Variants in DDX3X observed in about 807,000 individuals in gnomAD.
DDX3X encodes the protein DEAD-box helicase 3 X-linked, also known as ATP-dependent RNA helicase DDX3X.
In DDX3X, 4 loss-of-function variants were observed where a neutral mutation model predicts 52.7. The ratio of observed to expected loss-of-function variants is 0.08; its 90% CI spans 0.04 to 0.17. The LOEUF (loss-of-function observed/expected upper bound fraction) is 0.17, where lower values mean the gene tolerates loss of function less well. Ranked by LOEUF, DDX3X falls within the 10% of genes least tolerant of loss-of-function variation. The probability of loss-of-function intolerance (pLI) is 1.00; values close to 1 mark genes in which losing one functional copy is unlikely to be tolerated. For missense variants in DDX3X, 222 were observed against 548.6 expected (o/e 0.40, Z 5.95); for synonymous variants, 192 against 178.1 (o/e 1.08, Z -0.62).
chrX:41,345,344 A>G lies in DDX3X; in HGVS notation c.1170+20A>G. On this transcript the variant is annotated intron_variant, in intron 11 of 16. Transcript: ENST00000644876. The stretch of plus-strand genomic sequence containing the variant: ...ATACAGGTACTGTTTGATGTTGCAA[A>G]TTTTATTTATTTAGAAATTTGTTTA... The G allele has an allele frequency of 1.7e-6, 2 of 1,202,207 alleles. No homozygotes were observed. The highest frequency in any genetic ancestry group is 2.2e-6 in the Non-Finnish European group (2 of 892,218).
At chrX:41,354,361 T>TTTTTTTTTTTTTTA (rs2064000579), downstream of DDX3X, among the ~76,000 whole-genome samples, 1 of 103,327 alleles carries the variant, frequency 9.7e-6, no homozygotes, top group African/African-American at 3.6e-5. Flanking sequence ...TTTTTTTTTT[T>TTTTTTTTTTTTTTA]GAGACAGGGT....
rs182046464 is a variant in DDX3X at position 41,337,726 on chromosome X, G to A, written c.103+261G>A. 8.1e-4 allele frequency: 186 copies of A among 230,070 alleles called. 2 individuals carry two copies. The East Asian group carries it at 0.015, about 18-fold the overall frequency. 19.0% of individuals were successfully genotyped at this position (230,070 alleles called of 1,213,427 possible). A position where few individuals can be genotyped will look rare whatever the true frequency, so the allele number is the denominator to read the frequency against. ...AATGGTGTGATCTCGGCTCACCGCA[G>A]TCTCTGCCTCCGGGTTCAAGCGATT... On this transcript the variant is annotated intron_variant, in intron 2 of 16. Transcript: ENST00000644876.
upstream of DDX3X, chrX:41,333,508 C>T (rs2063706809): frequency 9.2e-6 from 1 of 108,893 alleles, no homozygotes; most frequent in African/African-American, 3.4e-5. Flanking sequence ...ATTCAAGCCA[C>T]CGTTTCCTGC....
At chrX:41,362,083 CTTTTTT>C (rs1176759189) in intron 5 of DDX3X, among the ~76,000 whole-genome samples, 186 of 72,712 alleles carry the variant, frequency 2.6e-3, no homozygotes, top group African/African-American at 9.9e-3. Context: ...AAATAATTAA[CTTTTTT>C]TTTTTTTTTT....
At chrX:41,361,846 T>C (rs902377181) in intron 5 of DDX3X, among the ~76,000 whole-genome samples, 1 of 111,878 alleles carries the variant, frequency 8.9e-6, no homozygotes, top group Non-Finnish European at 1.9e-5. Context: ...ATGCATGGAA[T>C]GGATGGTGGA....
rs1199404393 is a variant in DDX3X at position 41,334,248 on chromosome X, C to T, written c.-5C>T. ...AAGACTCCGAGTTCTCGGTACTCTT[C>T]AGGGATGAGTCATGTGGCAGTGGAA... is the stretch of plus-strand genomic sequence containing the variant. On this transcript the variant is annotated 5_prime_UTR_variant, in exon 1 of 17. Transcript: ENST00000644876. 6 of 1,210,500 alleles carry T rather than the reference C, an allele frequency of 5.0e-6. No individual in the cohort carries two copies. The highest frequency in any genetic ancestry group is 6.7e-6 in the Non-Finnish European group (6 of 894,450).
At position 41,342,627 on chromosome X, in the gene DDX3X, A is replaced by C. The variant is rs764100097; in HGVS notation, c.417A>C (p.Pro139=). 5 of 1,211,464 alleles carry C rather than the reference A, an allele frequency of 4.1e-6. No homozygotes were observed. The South Asian group carries it at 8.8e-5, about 21-fold the overall frequency. The part of the protein sequence containing the change: ...DKSDEDDWSK[P]LPPSERLEQE... ...CAGATGAAGATGATTGGTCAAAACCACTCCCACCAAGTGAACGCTTGGAAC... is the reference window on the plus strand; with the variant it reads ...CAGATGAAGATGATTGGTCAAAACCCCTCCCACCAAGTGAACGCTTGGAAC... Residue 139 remains proline (P), a synonymous_variant, in exon 5 of 17, where the codon CCA becomes CCC. Transcript: ENST00000644876.
intron 5 of DDX3X, among the ~76,000 whole-genome samples, chrX:41,356,658 G>T (rs1489503536): frequency 9.3e-6 from 1 of 107,991 alleles, no homozygotes; most frequent in African/African-American, 3.4e-5. Context: ...TAGAGATGGG[G>T]TTTCACCGTG....
chrX:41,364,401 C>T (rs2064040529), exon 6 of DDX3X: 1 of 296,741 alleles, frequency 3.4e-6, no homozygotes, highest in Non-Finnish European at 5.9e-6. Context: ...GACACCCGTG[C>T]CCAGCCTGAG....
chrX:41,346,715 G>A, intron 14 of DDX3X, 93 bp downstream of exon 14: 5 of 946,575 alleles, frequency 5.3e-6, no homozygotes, highest in Non-Finnish European at 7.3e-6. Context: ...TTTTAACAAT[G>A]AAAGTGACAA....
intron 1 of DDX3X, chrX:41,334,603 C>G (rs1233223066): frequency 1.1e-5 from 12 of 1,087,316 alleles, no homozygotes; most frequent in Non-Finnish European, 1.4e-5. Context: ...ATGCGCGAAT[C>G]CCGACTGATT....
intron 15 of DDX3X, 50 bp from the exon 16 acceptor site, chrX:41,347,261 CT>C (rs2063938231): frequency 6.1e-6 from 7 of 1,155,979 alleles, no homozygotes; most frequent in Non-Finnish European, 8.2e-6. Flanking sequence ...AGTTAGGTTA[CT>C]TTAGTGGAAT....
At chrX:41,338,980 A>T in intron 2 of DDX3X, 56 bp from the exon 3 acceptor site, 1 of 553,364 alleles carries the variant, frequency 1.8e-6, no homozygotes, top group Non-Finnish European at 2.5e-6. Context: ...ACAGAAATTT[A>T]AATGGGAAGG....
In DDX3X at chrX:41,340,512, C is replaced by A. The variant is rs185073067; in HGVS notation, c.152-972C>A. On this transcript the variant is annotated intron_variant, in intron 3 of 16. Coordinates refer to ENST00000644876, the MANE Select transcript of DDX3X (RefSeq NM_001356.5). ...GTTAAACCCTCTACCTGTCTTTAAA[C>A]CCTCTACCTGTCTTTGGGTTAATTT... 569 of 200,654 alleles carry A rather than the reference C, an allele frequency of 2.8e-3. 5 individuals carry two copies. The highest frequency in any genetic ancestry group is 0.015 in the African/African-American group (516 of 34,200). The allele number at this position is 200,654 out of a possible 1,213,427, so 16.5% of individuals were successfully genotyped here.
chrX:41,339,143 GCCTAAGGAAAA>G, intron 3 of DDX3X, 60 bp downstream of exon 3: 1 of 681,734 alleles, frequency 1.5e-6, no homozygotes, highest in Non-Finnish European at 2.1e-6. Flanking sequence ...AGTTAGTAAA[GCCTAAGGAAAA>G]CCAGGCATTT....
At chrX:41,340,761 A>G (rs1315526547) in intron 3 of DDX3X, 5 of 295,099 alleles carry the variant, frequency 1.7e-5, no homozygotes, top group Middle Eastern at 8.7e-4. Flanking sequence ...AAGTAATCTG[A>G]CAGTCTATGA....
chrX:41,344,786 C>A (rs2063900823), intron 10 of DDX3X, among the ~76,000 whole-genome samples: 1 of 111,472 alleles, frequency 9.0e-6, no homozygotes. Flanking sequence ...AAGTTACTGC[C>A]CATTAGTTTT....
At chrX:41,354,104 A>G (rs1483671840), downstream of DDX3X, among the ~76,000 whole-genome samples, 1 of 111,217 alleles carries the variant, frequency 9.0e-6, no homozygotes, top group Non-Finnish European at 1.9e-5. Flanking sequence ...AGTTGCAAAA[A>G]CAAGAGAGGT....
At chrX:41,339,896 A>C (rs1367138297) in intron 3 of DDX3X, 1 of 107,076 alleles carries the variant, frequency 9.3e-6, no homozygotes, top group Admixed American at 1.0e-4. Context: ...TTCTACCAGA[A>C]GATCACTTTG....
Sources: gnomAD v4.1 joint callset for allele counts (sites outside exome capture counted in the v4.1 genomes callset) on GRCh38, gnomAD v4.1.1 for gene constraint, MANE v1.5 for transcripts, NCBI Gene and HGNC (gene_info 2026-07-23, HGNC 2026-07-21) for gene names.